Variants in DCLK2 observed in about 807,000 individuals in gnomAD.
DCLK2 encodes the protein serine/threonine-protein kinase DCLK2.
A neutral mutation model predicts 78.4 loss-of-function variants in DCLK2; 31 were observed. That is an observed-to-expected ratio of 0.40 (90% CI 0.30 to 0.53). The LOEUF is 0.53. Among genes scored for constraint, DCLK2 ranks in the 20% least tolerant of loss-of-function variants. DCLK2 has a pLI of 0.61. For missense variants in DCLK2, 872 were observed against 973.7 expected (o/e 0.90, Z 1.39); for synonymous variants, 407 against 374.9 (o/e 1.09, Z -0.99).
intron 2 of DCLK2, among the ~76,000 whole-genome samples, chr4:150,112,888 G>GC (rs971056182): frequency 2.1e-5 from 3 of 140,376 alleles, no homozygotes; most frequent in Non-Finnish European, 4.5e-5. Context: ...TTGGCTCACT[G>GC]CAACCACTGC....
intron 1 of DCLK2, among the ~76,000 whole-genome samples, chr4:150,090,989 C>A (rs1730018996): frequency 6.6e-6 from 1 of 152,170 alleles, no homozygotes; most frequent in African/African-American, 2.4e-5. Context: ...GGAACAGCAT[C>A]TGGGCCAGAG....
At chr4:150,167,163 A>G (rs1736152318) in intron 2 of DCLK2, among the ~76,000 whole-genome samples, 1 of 152,194 alleles carries the variant, frequency 6.6e-6, no homozygotes, top group Non-Finnish European at 1.5e-5. Context: ...AAAATGCCAA[A>G]AAAAAAATAT....
chr4:150,210,509 A>G (rs181932365), intron 5 of DCLK2, among the ~76,000 whole-genome samples: 1 of 152,134 alleles, frequency 6.6e-6, no homozygotes, highest in East Asian at 1.9e-4. Flanking sequence ...AAATGACTCT[A>G]CTAGGAACAG....
chr4:150,247,843 G>A (rs1319536551), intron 13 of DCLK2, 144 bp downstream of exon 13: 2 of 661,236 alleles, frequency 3.0e-6, no homozygotes, highest in Non-Finnish European at 5.0e-6. Flanking sequence ...TTATCCCATG[G>A]TATGGTCTCT....
chr4:150,167,030 GGC>G (rs1449942409), intron 2 of DCLK2, among the ~76,000 whole-genome samples: 11 of 152,298 alleles, frequency 7.2e-5, no homozygotes, highest in Middle Eastern at 3.4e-3. Flanking sequence ...CTCATTGGGA[GGC>G]ACTTACTGGG....
chr4:150,151,032 C>G (rs1274776927), intron 2 of DCLK2, among the ~76,000 whole-genome samples: 1 of 152,238 alleles, frequency 6.6e-6, no homozygotes, highest in Non-Finnish European at 1.5e-5. Context: ...CACCTACTGC[C>G]CTGCTTGTCG....
intron 2 of DCLK2, among the ~76,000 whole-genome samples, chr4:150,152,120 T>C (rs1055244802): frequency 2.6e-5 from 4 of 152,156 alleles, no homozygotes; most frequent in African/African-American, 7.2e-5. Context: ...ATACATTGAT[T>C]GTATAAGAAC....
intron 2 of DCLK2, among the ~76,000 whole-genome samples, chr4:150,128,493 A>G (rs1409367901): frequency 6.6e-6 from 1 of 152,146 alleles, no homozygotes; most frequent in Non-Finnish European, 1.5e-5. Flanking sequence ...AAATTGTAAG[A>G]GGATTAATTT....
intron 1 of DCLK2, among the ~76,000 whole-genome samples, chr4:150,095,222 G>A (rs1449194705): frequency 6.6e-6 from 1 of 152,134 alleles, no homozygotes; most frequent in East Asian, 1.9e-4. Flanking sequence ...CAGCATCTGA[G>A]AAGCTCTCCC....
chr4:150,230,184 T>C (rs1342989936), intron 8 of DCLK2, among the ~76,000 whole-genome samples: 1 of 152,182 alleles, frequency 6.6e-6, no homozygotes, highest in Non-Finnish European at 1.5e-5. Context: ...GTGGAGGAAA[T>C]GTTGCTGCAG....
At chr4:150,106,983 G>A (rs1236692971) in intron 2 of DCLK2, among the ~76,000 whole-genome samples, 1 of 152,012 alleles carries the variant, frequency 6.6e-6, no homozygotes. Flanking sequence ...TTCTCAACCA[G>A]GGACAGTTTT....
chr4:150,131,218 C>G lies in DCLK2; in HGVS notation c.756+28406C>G, dbSNP rs182561340. On this transcript the variant is annotated intron_variant, in intron 2 of 15. Transcript: ENST00000296550. ...TGATCATTTTATTAAGAGCACATGG[C>G]AGCTCACCATTGTGTTAAGGCAGAA... Among the ~76,000 whole-genome samples the G allele has an allele frequency of 1.3e-4, 20 of 152,118 alleles. No individual in the cohort carries two copies. In the East Asian group the frequency reaches 3.7e-3, roughly 28 times the overall value.
intron 2 of DCLK2, among the ~76,000 whole-genome samples, chr4:150,139,451 TG>T (rs1179775410): frequency 1.3e-5 from 2 of 152,220 alleles, no homozygotes; most frequent in Non-Finnish European, 2.9e-5. Flanking sequence ...CTTGATAGCC[TG>T]GATTCAGATG....
chr4:150,142,446 A>G (rs1378560782), intron 2 of DCLK2, among the ~76,000 whole-genome samples: 2 of 152,214 alleles, frequency 1.3e-5, no homozygotes, highest in East Asian at 3.8e-4. Context: ...AGAAAAATAT[A>G]TAGTGTTTAC....
chr4:150,144,903 C>T (rs758836946), intron 2 of DCLK2, among the ~76,000 whole-genome samples: 18 of 152,214 alleles, frequency 1.2e-4, no homozygotes, highest in South Asian at 4.1e-4. Flanking sequence ...TCTAATTCTG[C>T]GCAATATGAT....
chr4:150,198,170 T>A (rs1739200240), intron 4 of DCLK2, 67 bp downstream of exon 4: 2 of 1,400,954 alleles, frequency 1.4e-6, no homozygotes, highest in Middle Eastern at 1.8e-4. Flanking sequence ...TTTTCTCTAA[T>A]TTTTATGAAT....
intron 8 of DCLK2, among the ~76,000 whole-genome samples, chr4:150,229,551 AGAGGAAAGGACT>A (rs762546563): frequency 6.6e-6 from 1 of 152,144 alleles, no homozygotes; most frequent in Non-Finnish European, 1.5e-5. Context: ...TGGAGAACAC[AGAGGAAAGGACT>A]GCTTTATGGG....
At chr4:150,201,572 A>G (rs1350848869) in intron 4 of DCLK2, among the ~76,000 whole-genome samples, 2 of 152,252 alleles carry the variant, frequency 1.3e-5, no homozygotes, top group Admixed American at 6.5e-5. Flanking sequence ...AATCCCTGGC[A>G]GTGAGTTTTG....
In DCLK2 at chr4:150,172,594, C is replaced by T. The variant is rs553287198; in HGVS notation, c.757-20544C>T. 4.5e-5 allele frequency among the ~76,000 whole-genome samples: 5 copies of T among 111,530 alleles called. No homozygotes were observed. In the South Asian group the frequency reaches 1.5e-3, roughly 33 times the overall value. 73.2% of individuals were successfully genotyped at this position (111,530 alleles called of 152,430 possible). A position where few individuals can be genotyped will look rare whatever the true frequency, so the allele number is the denominator to read the frequency against. ...TGCACTCCAGCCTGGGGCAACAGAG[C>T]AAGACTCCGTCTCAAAAAAAAAAAA... On this transcript the variant is annotated intron_variant, in intron 2 of 15. Transcript: ENST00000296550.
Sources: allele counts gnomAD v4.1 joint callset (sites outside exome capture counted in the v4.1 genomes callset), GRCh38; gene constraint gnomAD v4.1.1; transcripts MANE v1.5; gene names NCBI Gene and HGNC (gene_info 2026-07-23, HGNC 2026-07-21).